SKAP1: variants seen among roughly 807,000 people sequenced by gnomAD.
The protein encoded by SKAP1 is src kinase-associated phosphoprotein 1.
Under a neutral mutation model 58.5 loss-of-function variants are expected in SKAP1, and 44 were observed. That is an observed-to-expected ratio of 0.75 (90% CI 0.59 to 0.97). The LOEUF is 0.97. Among genes scored for constraint, SKAP1 ranks in the 50% least tolerant of loss-of-function variants. The pLI, the probability that SKAP1 is intolerant of heterozygous loss-of-function variation, is 0.00. For missense variants in SKAP1, 390 were observed against 435.2 expected (o/e 0.90, Z 0.92); for synonymous variants, 127 against 149.7 (o/e 0.85, Z 1.11).
intron 4 of SKAP1, among the ~76,000 whole-genome samples, chr17:48,221,434 T>C (rs948482303): frequency 1.3e-5 from 2 of 152,202 alleles, no homozygotes; most frequent in Non-Finnish European, 2.9e-5. Context: ...AAAGGAAGAA[T>C]GACTAAAACA....
intron 4 of SKAP1, among the ~76,000 whole-genome samples, chr17:48,251,652 A>G (rs2065365344): frequency 6.6e-6 from 1 of 152,182 alleles, no homozygotes; most frequent in Non-Finnish European, 1.5e-5. Context: ...TTTCCACCAT[A>G]ATAGCTTTCA....
intron 4 of SKAP1, chr17:48,307,787 ATCTAC>A (rs1381163581): frequency 1.3e-5 from 2 of 152,060 alleles, no homozygotes; most frequent in Non-Finnish European, 2.9e-5. Flanking sequence ...TCAGTTCTCA[ATCTAC>A]TCTATGTCAT....
intron 11 of SKAP1, among the ~76,000 whole-genome samples, chr17:48,155,620 G>A (rs2063965560): frequency 6.6e-6 from 1 of 151,466 alleles, no homozygotes; most frequent in Non-Finnish European, 1.5e-5. Context: ...ACTTTGGAAG[G>A]CCGAGGCAGA....
chr17:48,298,545 ATTTC>A (rs1179622748), intron 4 of SKAP1, among the ~76,000 whole-genome samples: 8 of 152,232 alleles, frequency 5.3e-5, no homozygotes, highest in Non-Finnish European at 1.5e-5. Flanking sequence ...TTTATTTTAT[ATTTC>A]TTATGCATCT....
intron 11 of SKAP1, among the ~76,000 whole-genome samples, chr17:48,149,314 G>T (rs2063870528): frequency 6.6e-6 from 1 of 152,166 alleles, no homozygotes; most frequent in Non-Finnish European, 1.5e-5. Context: ...GCCAGATTCA[G>T]CAATTTGGGT....
At chr17:48,187,281 C>T (rs894523737) in intron 6 of SKAP1, among the ~76,000 whole-genome samples, 2 of 152,114 alleles carry the variant, frequency 1.3e-5, no homozygotes, top group Admixed American at 6.5e-5. Flanking sequence ...ATCTCTGGCC[C>T]GAGTCAACAC....
At chr17:48,401,715 G>C (rs1386670132) in intron 1 of SKAP1, among the ~76,000 whole-genome samples, 1 of 151,730 alleles carries the variant, frequency 6.6e-6, no homozygotes, top group Non-Finnish European at 1.5e-5. Context: ...ATTAGGTAAT[G>C]GTTTCTTAGA....
rs117459480 is a variant in SKAP1, at chr17:48,148,078, G to A, written c.979-10741C>T. ...GGAGGGTCTCAGAGCACTTGAGTGC[G>A]AGAGAACATTCAGCCTTAAAGGTGA... is the stretch of plus-strand genomic sequence containing the variant. On this transcript the variant is annotated intron_variant, in intron 11 of 12. Coordinates refer to ENST00000336915, the MANE Select transcript of SKAP1 (RefSeq NM_003726.4). Among the ~76,000 whole-genome samples the A allele has an allele frequency of 8.2e-3, 1,242 of 152,284 alleles. 11 individuals carry two copies. Among genetic ancestry groups the A allele is most frequent in the Non-Finnish European group, 0.013 (876 of 68,034 alleles).
intron 1 of SKAP1, among the ~76,000 whole-genome samples, chr17:48,413,523 A>AATATATATATAT (rs1555624885): frequency 4.7e-5 from 5 of 105,436 alleles, no homozygotes; most frequent in Admixed American, 1.1e-4. Flanking sequence ...TCAAAAAAAA[A>AATATATATATAT]ATATATATAT....
intron 4 of SKAP1, among the ~76,000 whole-genome samples, chr17:48,333,780 G>A (rs2066533930): frequency 2.0e-5 from 3 of 151,924 alleles, no homozygotes; most frequent in Non-Finnish European, 4.4e-5. Context: ...CAAACAAATA[G>A]GGAATTTTAA....
Position 48,348,539 on chromosome 17 carries a change from A to G in SKAP1, c.179-2533T>C, listed in dbSNP as rs1267914159. Among the ~76,000 whole-genome samples the G allele has an allele frequency of 2.6e-5, 4 of 152,082 alleles. No individual in the cohort carries two copies. The East Asian group carries it at 5.8e-4, about 22-fold the overall frequency. Reference sequence around the variant, plus strand: ...CATACCCTTCACCCAGTTTCCCCCAATGTCAACTTCTTACATAATTGAGGT... The same window carrying G: ...CATACCCTTCACCCAGTTTCCCCCAGTGTCAACTTCTTACATAATTGAGGT... On this transcript the variant is annotated intron_variant, in intron 3 of 12. Transcript: ENST00000336915.
the SKAP1 span, among the ~76,000 whole-genome samples, chr17:48,440,550 C>T: frequency 2.8e-3 from 423 of 152,334 alleles, 5 homozygotes; most frequent in African/African-American, 9.7e-3. Flanking sequence ...TGCCACCAAC[C>T]TTGTGACCTA....
At chr17:48,338,231 C>T (rs2066602042) in intron 4 of SKAP1, among the ~76,000 whole-genome samples, 1 of 151,826 alleles carries the variant, frequency 6.6e-6, no homozygotes, top group Non-Finnish European at 1.5e-5. Context: ...CTCACTGCAA[C>T]CTCTGCCTCC....
chr17:48,251,923 C>T (rs539734960), intron 4 of SKAP1, among the ~76,000 whole-genome samples: 2 of 152,198 alleles, frequency 1.3e-5, no homozygotes, highest in South Asian at 4.1e-4. Context: ...TGGACACTTG[C>T]TAATTATTTC....
chr17:48,195,772 C>A (rs2064618352), intron 4 of SKAP1, among the ~76,000 whole-genome samples: 1 of 152,134 alleles, frequency 6.6e-6, no homozygotes, highest in Non-Finnish European at 1.5e-5. Context: ...ACACAGAAGA[C>A]AACTTTCATG....
intron 8 of SKAP1, 61 bp from the exon 9 acceptor site, chr17:48,180,309 G>T: frequency 7.7e-7 from 1 of 1,293,068 alleles, no homozygotes. Context: ...AGACAGGAAA[G>T]GAAAGAGGGA....
chr17:48,302,840 A>T (rs749913754), intron 4 of SKAP1, among the ~76,000 whole-genome samples: 1 of 152,218 alleles, frequency 6.6e-6, no homozygotes, highest in Non-Finnish European at 1.5e-5. Context: ...GGCTGCAAAA[A>T]GCCAGAATCC....
intron 4 of SKAP1, among the ~76,000 whole-genome samples, chr17:48,198,681 G>A (rs1344029754): frequency 1.3e-5 from 2 of 151,906 alleles, no homozygotes; most frequent in Admixed American, 6.6e-5. Flanking sequence ...AAAAAATTGT[G>A]TTCCTTCAAA....
intron 11 of SKAP1, among the ~76,000 whole-genome samples, chr17:48,160,817 G>A (rs548144126): frequency 1.3e-5 from 2 of 152,308 alleles, no homozygotes. Flanking sequence ...TGGATAACTC[G>A]ATTACCCCTG....
Sources: gnomAD v4.1 joint callset for allele counts (sites outside exome capture counted in the v4.1 genomes callset) on GRCh38, gnomAD v4.1.1 for gene constraint, MANE v1.5 for transcripts, NCBI Gene and HGNC (gene_info 2026-07-23, HGNC 2026-07-21) for gene names.